KAT6B: variants seen among roughly 807,000 people sequenced by gnomAD.
KAT6B encodes the protein lysine acetyltransferase 6B.
KAT6B carries 10 observed loss-of-function variants against 187.5 expected under a neutral mutation model. That is an observed-to-expected ratio of 0.05 (90% CI 0.03 to 0.09). The LOEUF is 0.09. Among genes scored for constraint, KAT6B ranks in the 10% least tolerant of loss-of-function variants. KAT6B has a pLI of 1.00. For missense variants in KAT6B, 1,952 were observed against 2,558.9 expected (o/e 0.76, Z 5.12); for synonymous variants, 861 against 926.8 (o/e 0.93, Z 1.29).
intron 3 of KAT6B, among the ~76,000 whole-genome samples, chr10:74,845,374 T>C (rs1049205212): frequency 6.6e-6 from 1 of 151,314 alleles, no homozygotes; most frequent in African/African-American, 2.4e-5. Context: ...ACAAAAAAAT[T>C]AGGCAGGCGT....
intron 3 of KAT6B, among the ~76,000 whole-genome samples, chr10:74,950,709 C>T (rs1462124002): frequency 3.9e-5 from 6 of 152,166 alleles, no homozygotes; most frequent in Admixed American, 3.9e-4. Context: ...ACCTTAGTAA[C>T]AACAGGAAGC....
At chr10:74,981,290 G>T (rs1842488121) in intron 10 of KAT6B, among the ~76,000 whole-genome samples, 1 of 143,416 alleles carries the variant, frequency 7.0e-6, no homozygotes, top group African/African-American at 2.8e-5. Flanking sequence ...CTATTGGCTG[G>T]CTTTCTTTCT....
rs1483068824 is a variant in KAT6B, at chr10:75,029,533, G to A, written c.4709G>A (p.Arg1570Lys). The change falls in exon 18 of 18, where the codon AGA becomes AAA. Residue 1570 changes from arginine (R) to lysine (K), a missense_variant. Arg to Lys is a conservative substitution (Grantham distance 26). Coordinates refer to ENST00000287239, the MANE Select transcript of KAT6B (RefSeq NM_012330.4). The surrounding 1 kb of genome is among the most constrained non-coding windows in gnomAD (Gnocchi z 6.2). ...QDCAETQEACRSLQNYTRADQ... is the reference protein window; with the variant it reads ...QDCAETQEACKSLQNYTRADQ... Reference sequence around the variant, plus strand: ...TGTGCCGAGACTCAAGAGGCCTGTAGAAGCCTACAGAACTACACCCGTGCA... The same window carrying A: ...TGTGCCGAGACTCAAGAGGCCTGTAAAAGCCTACAGAACTACACCCGTGCA... 2.5e-6 allele frequency: 4 copies of A among 1,614,138 alleles called. 1 individual carries two copies. In the South Asian group the frequency reaches 4.4e-5, roughly 18 times the overall value.
intron 3 of KAT6B, among the ~76,000 whole-genome samples, chr10:74,931,704 T>G (rs1422023415): frequency 6.6e-6 from 1 of 152,068 alleles, no homozygotes; most frequent in East Asian, 1.9e-4. Context: ...TTCCATAGAG[T>G]ATACTATTGA....
intron 4 of KAT6B, among the ~76,000 whole-genome samples, chr10:74,969,421 A>G (rs1841706061): frequency 6.6e-6 from 1 of 152,132 alleles, no homozygotes; most frequent in Non-Finnish European, 1.5e-5. Flanking sequence ...AATTGGTATA[A>G]ATTAAGTTCT....
intron 3 of KAT6B, among the ~76,000 whole-genome samples, chr10:74,845,083 G>A (rs1344876621): frequency 6.6e-6 from 1 of 152,136 alleles, no homozygotes; most frequent in Non-Finnish European, 1.5e-5. Flanking sequence ...GCCAGGCTTG[G>A]TGAAGCACAT....
chr10:74,853,109 CTT>C (rs1233676750), intron 3 of KAT6B, among the ~76,000 whole-genome samples: 352 of 113,736 alleles, frequency 3.1e-3, no homozygotes, highest in African/African-American at 0.013. Context: ...TTTCTTTCAT[CTT>C]TTTTTTTTTT....
intron 3 of KAT6B, among the ~76,000 whole-genome samples, chr10:74,911,671 A>G (rs1386408959): frequency 6.6e-6 from 1 of 152,144 alleles, no homozygotes. Context: ...CATGATTTTA[A>G]AAATTAATAC....
intron 13 of KAT6B, among the ~76,000 whole-genome samples, chr10:75,012,739 G>A (rs988420728): frequency 5.9e-5 from 9 of 152,268 alleles, no homozygotes; most frequent in Admixed American, 3.3e-4. Context: ...GACCAACCCC[G>A]CAAGGGAGTC....
chr10:74,974,171 C>T (rs565027486), intron 7 of KAT6B, among the ~76,000 whole-genome samples: 177 of 152,286 alleles, frequency 1.2e-3, no homozygotes, highest in Non-Finnish European at 2.2e-3. Flanking sequence ...AGATCTCTAG[C>T]GTTCACCTGA....
intron 3 of KAT6B, among the ~76,000 whole-genome samples, chr10:74,905,318 T>TTGA (rs1564554427): frequency 6.6e-6 from 1 of 152,212 alleles, no homozygotes; most frequent in Non-Finnish European, 1.5e-5. Flanking sequence ...ACCTGCCTGC[T>TTGA]CTCTAGGGAA....
At chr10:74,981,096 G>T (rs1293166521) in intron 10 of KAT6B, among the ~76,000 whole-genome samples, 1 of 152,148 alleles carries the variant, frequency 6.6e-6, no homozygotes, top group Non-Finnish European at 1.5e-5. Context: ...AAATATGCTT[G>T]GTCCCTTGAC....
intron 3 of KAT6B, among the ~76,000 whole-genome samples, chr10:74,870,706 G>C (rs1296240481): frequency 6.6e-6 from 1 of 151,986 alleles, no homozygotes; most frequent in Admixed American, 6.6e-5. Context: ...AGCCTCCTGA[G>C]TAGCTGGGAT....
At chr10:74,994,099 T>C (rs952704276) in intron 13 of KAT6B, among the ~76,000 whole-genome samples, 2 of 152,218 alleles carry the variant, frequency 1.3e-5, no homozygotes, top group African/African-American at 4.8e-5. Context: ...TAATTATTAC[T>C]ATGATAATTA....
rs1016209711 is a variant in KAT6B at position 74,987,423 on chromosome 10, C to T, written c.2536-1596C>T. Among the ~76,000 whole-genome samples, 5 of 151,730 alleles carry T rather than the reference C, an allele frequency of 3.3e-5. No individual in the cohort carries two copies. In the East Asian group the frequency reaches 7.7e-4, roughly 23 times the overall value. ...ACTCCAGCCTGGCAACAGCAAGACT[C>T]CATCTCAAAAAAAAAAAGACTAGAT... On this transcript the variant is annotated intron_variant, in intron 12 of 17. Transcript: ENST00000287239.
chr10:74,908,001 G>A (rs533892743), intron 3 of KAT6B, among the ~76,000 whole-genome samples: 2 of 152,132 alleles, frequency 1.3e-5, no homozygotes, highest in Non-Finnish European at 2.9e-5. Context: ...GATCACCAGG[G>A]CTTTGCCTTC....
chr10:74,866,617 G>T (rs576969799), intron 3 of KAT6B, among the ~76,000 whole-genome samples: 1 of 152,052 alleles, frequency 6.6e-6, no homozygotes, highest in African/African-American at 2.4e-5. Flanking sequence ...TATCATTATT[G>T]TAAGTGGAAA....
At chr10:74,853,543 C>A (rs896953297) in intron 3 of KAT6B, among the ~76,000 whole-genome samples, 29 of 152,066 alleles carry the variant, frequency 1.9e-4, no homozygotes, top group Admixed American at 9.2e-4. Context: ...GTTCACACAC[C>A]TCGGCCTCCC....
chr10:74,945,044 A>G (rs1321272884), intron 3 of KAT6B, among the ~76,000 whole-genome samples: 1 of 152,146 alleles, frequency 6.6e-6, no homozygotes, highest in Non-Finnish European at 1.5e-5. Flanking sequence ...GATAAATGAA[A>G]ACATGTACAC....
Sources: allele counts gnomAD v4.1 joint callset (sites outside exome capture counted in the v4.1 genomes callset), GRCh38; gene constraint gnomAD v4.1.1; non-coding constraint Gnocchi (gnomAD v3.1); transcripts MANE v1.5; gene names NCBI Gene and HGNC (gene_info 2026-07-23, HGNC 2026-07-21).